The following UGT2B4 variants were observed in gnomAD, a reference collection of about 807,000 sequenced individuals.
UGT2B4 encodes the protein UDP glucuronosyltransferase family 2 member B4.
A neutral mutation model predicts 49.8 loss-of-function variants in UGT2B4; 49 were observed. The observed-to-expected ratio is 0.98, with a 90% confidence interval of 0.78 to 1.25. The LOEUF is 1.25. Ranked by LOEUF, UGT2B4 falls within the 50% of genes most tolerant of loss-of-function variation. UGT2B4 has a pLI of 0.00. For missense variants in UGT2B4, 729 were observed against 627.7 expected (o/e 1.16, Z -1.73); for synonymous variants, 246 against 217.7 (o/e 1.13, Z -1.14).
At chr4:69,510,234 G>C (rs1728573631) in intron 1 of UGT2B4, among the ~76,000 whole-genome samples, 1 of 152,050 alleles carries the variant, frequency 6.6e-6, no homozygotes, top group Non-Finnish European at 1.5e-5. Context: ...TTGAACAGCA[G>C]ACTATATTAA....
At chr4:69,481,082 T>C (rs1415056341) in intron 5 of UGT2B4, among the ~76,000 whole-genome samples, 172 bp from the exon 6 acceptor site, 5 of 37,876 alleles carry the variant, frequency 1.3e-4, no homozygotes, top group African/African-American at 6.6e-4. Context: ...CCGTCTCCAG[T>C]AAAAATATGA....
At chr4:69,487,396 T>C (rs1010020830) in intron 3 of UGT2B4, among the ~76,000 whole-genome samples, 3 of 152,136 alleles carry the variant, frequency 2.0e-5, no homozygotes, top group Non-Finnish European at 4.4e-5. Context: ...ATGTTCACCA[T>C]GAAATATTAT....
At position 69,510,054 on chromosome 4, in the gene UGT2B4, T is replaced by C. The variant is rs576509974; in HGVS notation, c.-105-14088A>G. On this transcript the variant is annotated intron_variant, in intron 1 of 1. Coordinates refer to the UGT2B4 transcript ENST00000510114. ...GTGTAGTGAATAGTAAGGATAAAAT[T>C]TTATTTATCTTTTGTGGATATCCAG... Among the ~76,000 whole-genome samples the C allele has an allele frequency of 1.4e-4, 21 of 152,218 alleles. 1 individual carries two copies. The South Asian group carries it at 4.4e-3, about 32-fold the overall frequency.
upstream of UGT2B4, among the ~76,000 whole-genome samples, chr4:69,497,964 C>A (rs183873700): frequency 3.5e-3 from 528 of 152,256 alleles, 1 homozygote; most frequent in Non-Finnish European, 4.3e-3. Context: ...AGTCACTACT[C>A]TGATGAGTTA....
At chr4:69,515,979 TTCTGATGCTCTCCCTTCCC>T (rs969148562) in intron 1 of UGT2B4, among the ~76,000 whole-genome samples, 1 of 152,188 alleles carries the variant, frequency 6.6e-6, no homozygotes, top group African/African-American at 2.4e-5. Context: ...TAGCTATTTT[TTCTGATGCTCTCCCTTCCC>T]CTGTTTCTCC....
upstream of UGT2B4, among the ~76,000 whole-genome samples, chr4:69,500,606 G>GAAGAAAGAAAGAAAGAAAGAAAGA (rs61653936): frequency 6.2e-4 from 62 of 99,578 alleles, 1 homozygote; most frequent in African/African-American, 1.3e-3. Context: ...AGAAAGCAAG[G>GAAGAAAGAAAGAAAGAAAGAAAGA]AAGAAAGAAA....
At chr4:69,513,943 G>T (rs1728669188) in intron 1 of UGT2B4, among the ~76,000 whole-genome samples, 1 of 152,090 alleles carries the variant, frequency 6.6e-6, no homozygotes, top group African/African-American at 2.4e-5. Context: ...AGCATTTGCT[G>T]AATTTACTTA....
At chr4:69,502,282 A>G (rs766340373) in intron 1 of UGT2B4, among the ~76,000 whole-genome samples, 69 of 151,648 alleles carry the variant, frequency 4.6e-4, no homozygotes, top group Non-Finnish European at 9.3e-4. Context: ...TTTGTTACAT[A>G]GGTAAATATG....
intron 1 of UGT2B4, among the ~76,000 whole-genome samples, chr4:69,504,414 A>G (rs755750088): frequency 6.6e-6 from 1 of 152,220 alleles, no homozygotes; most frequent in Non-Finnish European, 1.5e-5. Context: ...AACCAATCTG[A>G]TAGAGCTGGA....
At chr4:69,500,075 A>G (rs1450820875), upstream of UGT2B4, among the ~76,000 whole-genome samples, 1 of 152,204 alleles carries the variant, frequency 6.6e-6, no homozygotes, top group East Asian at 1.9e-4. Context: ...ATAAACAAGA[A>G]TGAGATCATG....
In UGT2B4 at chr4:69,483,376, T is replaced by G. The variant is rs535917422; in HGVS notation, c.1310+1832A>C. Among the ~76,000 whole-genome samples the G allele has an allele frequency of 1.4e-3, 219 of 152,134 alleles. 1 individual carries two copies. The highest frequency in any genetic ancestry group is 2.8e-3 in the Non-Finnish European group (192 of 67,940). Reference sequence around the variant, plus strand: ...GATATATAGAATACATATGTATGAGTTATATATGTGTGTGTGTGTTATGTT... The same window carrying G: ...GATATATAGAATACATATGTATGAGGTATATATGTGTGTGTGTGTTATGTT... On this transcript the variant is annotated intron_variant, in intron 5 of 5. Transcript: ENST00000305107.
At chr4:69,524,838 C>G (rs1728937278) in intron 1 of UGT2B4, among the ~76,000 whole-genome samples, 1 of 151,998 alleles carries the variant, frequency 6.6e-6, no homozygotes, top group Non-Finnish European at 1.5e-5. Flanking sequence ...CATAATTATC[C>G]CTCTATGGAG....
chr4:69,485,453 A>G, intron 4 of UGT2B4, 26 bp from the exon 5 acceptor site: 1 of 1,612,308 alleles, frequency 6.2e-7, no homozygotes. Context: ...TTTTAGCAAA[A>G]TTATTCATAG....
intron 1 of UGT2B4, chr4:69,517,587 T>C (rs1344407098): frequency 6.6e-6 from 1 of 152,210 alleles, no homozygotes; most frequent in East Asian, 1.9e-4. Flanking sequence ...AAACTTACTA[T>C]ACTAAACATA....
intron 2 of UGT2B4, among the ~76,000 whole-genome samples, chr4:69,493,316 T>C (rs1728048115): frequency 6.6e-6 from 1 of 152,256 alleles, no homozygotes; most frequent in African/African-American, 2.4e-5. Flanking sequence ...ATTACTTGCA[T>C]ATATTCTATC....
chr4:69,513,376 G>T (rs6819798), intron 1 of UGT2B4, among the ~76,000 whole-genome samples: 152,188 of 152,252 alleles, frequency 1, 76,062 homozygotes, highest in Middle Eastern at 1. Flanking sequence ...TCAAGTTTGT[G>T]GAAGATCAGA....
At chr4:69,512,162 A>C (rs1293012200) in intron 1 of UGT2B4, among the ~76,000 whole-genome samples, 1 of 150,576 alleles carries the variant, frequency 6.6e-6, no homozygotes, top group Non-Finnish European at 1.5e-5. Context: ...AATATATATT[A>C]TTTCTTTTTT....
intron 1 of UGT2B4, among the ~76,000 whole-genome samples, chr4:69,522,186 A>G (rs1448059625): frequency 8.4e-6 from 1 of 119,340 alleles, no homozygotes; most frequent in Non-Finnish European, 1.7e-5. Flanking sequence ...TTTAATATCT[A>G]GGTTACTAGT....
chr4:69,520,914 C>A (rs1436447708), intron 1 of UGT2B4, among the ~76,000 whole-genome samples: 1 of 152,144 alleles, frequency 6.6e-6, no homozygotes, highest in Non-Finnish European at 1.5e-5. Context: ...GCTGATATGT[C>A]AGTTGAAGAT....
Sources: gnomAD v4.1 joint callset for allele counts (sites outside exome capture counted in the v4.1 genomes callset) on GRCh38, gnomAD v4.1.1 for gene constraint, MANE v1.5 for transcripts, NCBI Gene and HGNC (gene_info 2026-07-23, HGNC 2026-07-21) for gene names.